Variants in LGALS2 observed in about 807,000 individuals in gnomAD.
LGALS2 encodes the protein galectin 2, also known as galectin-2.
LGALS2 carries 7 observed loss-of-function variants against 10.1 expected under a neutral mutation model. That is an observed-to-expected ratio of 0.70 (90% CI 0.40 to 1.31). The LOEUF (loss-of-function observed/expected upper bound fraction) is 1.31. LGALS2 is among the 50% of genes most tolerant of loss of function. The probability of loss-of-function intolerance (pLI) is 0.01; values close to 1 mark genes in which losing one functional copy is unlikely to be tolerated. For missense variants in LGALS2, 167 were observed against 163.6 expected (o/e 1.02, Z -0.11); for synonymous variants, 86 against 64.2 (o/e 1.34, Z -1.63).
intron 1 of LGALS2, among the ~76,000 whole-genome samples, chr22:37,573,369 C>G (rs2145820208): frequency 6.6e-6 from 1 of 152,340 alleles, no homozygotes; most frequent in Admixed American, 6.5e-5. Context: ...CTTTCCCCTT[C>G]TGTAAAATTG....
chr22:37,575,875 C>T (rs367737597), intron 1 of LGALS2, among the ~76,000 whole-genome samples: 2 of 152,196 alleles, frequency 1.3e-5, no homozygotes, highest in Non-Finnish European at 2.9e-5. Context: ...CAGCCTTGGC[C>T]GTCTGGACGT....
At chr22:37,573,516 G>A (rs777569870) in intron 1 of LGALS2, among the ~76,000 whole-genome samples, 7 of 152,146 alleles carry the variant, frequency 4.6e-5, no homozygotes, top group Non-Finnish European at 1.0e-4. Flanking sequence ...GGGCAACATA[G>A]CGAGACTCCC....
chr22:37,574,663 T>A (rs1925614368), intron 1 of LGALS2, among the ~76,000 whole-genome samples: 1 of 152,080 alleles, frequency 6.6e-6, no homozygotes, highest in Non-Finnish European at 1.5e-5. Flanking sequence ...GACTTTTTAT[T>A]TCCAGAAAAA....
At chr22:37,574,889 T>C (rs1442827217) in intron 1 of LGALS2, among the ~76,000 whole-genome samples, 2 of 151,502 alleles carry the variant, frequency 1.3e-5, no homozygotes, top group African/African-American at 4.9e-5. Flanking sequence ...TTTTTTTTTT[T>C]TTTGAGATGT....
At chr22:37,579,264 A>AAAAAGT (rs1925778903) in intron 1 of LGALS2, among the ~76,000 whole-genome samples, 1 of 60,062 alleles carries the variant, frequency 1.7e-5, no homozygotes, top group Non-Finnish European at 4.1e-5. Flanking sequence ...AAAAAAAAAA[A>AAAAAGT]GAGAAAGAAA....
At position 37,570,678 on chromosome 22, in the gene LGALS2, G is replaced by A. The variant is rs755278442; in HGVS notation, c.147C>T (p.Arg49=). 1 of 1,614,272 alleles carries A rather than the reference G, an allele frequency of 6.2e-7. No homozygotes were observed. The highest frequency in any genetic ancestry group is 8.5e-7 in the Non-Finnish European group (1 of 1,180,058). ...TGCAGACAATGGTGGATTCGCTGAA[G>A]CGAGGGTTGAAATGCAGGTTCAGCT... ...TDKLNLHFNP[R]FSESTIVCNS... is the part of the protein sequence containing the mutation. Residue 49 remains arginine (R), a synonymous_variant, in exon 3 of 4, where the codon CGC becomes CGT. Coordinates refer to ENST00000215886, the MANE Select transcript of LGALS2 (RefSeq NM_006498.3).
Position 37,570,586 on chromosome 22 carries a change from G to C in LGALS2, c.239C>G (p.Ser80Ter), listed in dbSNP as rs1224780259. 1 of 1,614,192 alleles carries C rather than the reference G, an allele frequency of 6.2e-7. No individual in the cohort carries two copies. Among genetic ancestry groups the C allele is most frequent in the Non-Finnish European group, 8.5e-7 (1 of 1,180,040 alleles). ...CCCCTTTGACCTCACCTTGACCTCTGACCCTGGGCTGAAGCACAGGTGATC... is the reference window on the plus strand; with the variant it reads ...CCCCTTTGACCTCACCTTGACCTCTCACCCTGGGCTGAAGCACAGGTGATC... ...REDHLCFSPGSEVKFTVTFES... is the reference protein window; with the variant it reads ...REDHLCFSPG Residue 80 changes from serine to a stop codon, truncating the protein, a stop_gained, in exon 3 of 4, where the codon TCA becomes TGA. Transcript: ENST00000215886. LOFTEE classifies it low-confidence loss of function (END_TRUNC).
Position 37,573,053 on chromosome 22 carries a change from C to T in LGALS2, c.7-1122G>A, listed in dbSNP as rs1329434329. Among the ~76,000 whole-genome samples, 7 of 151,872 alleles carry T rather than the reference C, an allele frequency of 4.6e-5. No homozygotes were observed. The East Asian group carries it at 1.2e-3, about 25-fold the overall frequency. On this transcript the variant is annotated intron_variant, in intron 1 of 3. Coordinates refer to ENST00000215886, the MANE Select transcript of LGALS2 (RefSeq NM_006498.3). Reference sequence around the variant, plus strand: ...CTTTGGAAGGCCGAGGCAGCCAGATCACCTGAGGTCAGGAGTTTAAGACCA... The same window carrying T: ...CTTTGGAAGGCCGAGGCAGCCAGATTACCTGAGGTCAGGAGTTTAAGACCA...
chr22:37,570,266 T>A lies in LGALS2; in HGVS notation c.396A>T (p.Glu132Asp). The A allele has an allele frequency of 1.9e-6, 3 of 1,603,046 alleles. No individual in the cohort carries two copies. Among genetic ancestry groups the A allele is most frequent in the Non-Finnish European group, 2.6e-6 (3 of 1,171,366 alleles). ...GFNMSSFKLK[E>D] is the part of the protein sequence containing the mutation. ...GAGAATCTCGGCTGGAAGTCTTTTATTCTTTTAACTTGAAAGAGGACATGT... is the reference window on the plus strand; with the variant it reads ...GAGAATCTCGGCTGGAAGTCTTTTAATCTTTTAACTTGAAAGAGGACATGT... Residue 132 changes from glutamate to aspartate, a missense_variant, in exon 4 of 4, where the codon GAA (glutamate) becomes GAT (aspartate). Transcript: ENST00000215886.
chr22:37,570,741 G>C lies in LGALS2; in HGVS notation c.90-6C>G. On this transcript the variant is annotated splice_region_variant and splice_polypyrimidine_tract_variant and intron_variant, in intron 2 of 3. Transcript: ENST00000215886. ...GGCCCAGATTAATTACAAAGCTGCA[G>C]GAGAAGGGGTAGCAGGTGAGGTTCA... 1 of 1,614,186 alleles carries C rather than the reference G, an allele frequency of 6.2e-7. No individual in the cohort carries two copies. Among genetic ancestry groups the C allele is most frequent in the Non-Finnish European group, 8.5e-7 (1 of 1,180,030 alleles).
intron 1 of LGALS2, among the ~76,000 whole-genome samples, chr22:37,572,163 G>A (rs367684083): frequency 3.3e-5 from 5 of 152,316 alleles, no homozygotes; most frequent in East Asian, 1.9e-4. Flanking sequence ...ACCCCAACCC[G>A]AAGAGGCACA....
At chr22:37,574,081 C>T (rs1475110817) in intron 1 of LGALS2, among the ~76,000 whole-genome samples, 2 of 152,006 alleles carry the variant, frequency 1.3e-5, no homozygotes, top group South Asian at 2.1e-4. Context: ...CCCAAATGAC[C>T]ATCATTTTGA....
At position 37,579,933 on chromosome 22, in the gene LGALS2, G is replaced by A. The variant is rs1328939363; in HGVS notation, c.-28C>T. On this transcript the variant is annotated 5_prime_UTR_variant, in exon 1 of 4. Transcript: ENST00000215886. ...TGACAGCTCCTGGCGGCAGCTCCCA[G>A]CGGCTCCTGGAGGCCTGTGCTCAGG... 3.1e-6 allele frequency: 5 copies of A among 1,611,500 alleles called. No individual in the cohort carries two copies. The highest frequency in any genetic ancestry group is 3.3e-5 in the Admixed American group (2 of 59,850).
chr22:37,574,238 G>A (rs1436740451), intron 1 of LGALS2, among the ~76,000 whole-genome samples: 1 of 152,106 alleles, frequency 6.6e-6, no homozygotes, highest in Non-Finnish European at 1.5e-5. Flanking sequence ...ACCCAGGGCT[G>A]GGAGCGGTGG....
chr22:37,571,969 A>G (rs770391760), intron 1 of LGALS2, 38 bp from the exon 2 acceptor site: 4 of 1,550,548 alleles, frequency 2.6e-6, no homozygotes, highest in Non-Finnish European at 3.6e-6. Context: ...GAGTCCCCAC[A>G]GAAAATCAAT....
chr22:37,570,306 AC>A lies in LGALS2; in HGVS notation c.355del (p.Val119Ter), dbSNP rs796448968. 3 of 1,613,518 alleles carry A rather than the reference AC, an allele frequency of 1.9e-6. No individual in the cohort carries two copies. Among genetic ancestry groups the A allele is most frequent in the South Asian group, 2.2e-5 (2 of 91,074 alleles). On this transcript the variant is annotated frameshift_variant, in exon 4 of 4. Transcript: ENST00000215886. LOFTEE classifies it low-confidence loss of function (END_TRUNC). Reference sequence around the variant, plus strand: ...AGAGGACATGTTGAACCCGCCCCTTACGCTCAGGTAGCTCAGGTGGCTGTGA... The same window carrying A: ...AGAGGACATGTTGAACCCGCCCCTTAGCTCAGGTAGCTCAGGTGGCTGTGA... ...LGHSHLSYLS[V>X]RGGFNMSSFK... is the part of the protein sequence containing the mutation.
chr22:37,571,782 C>G, intron 2 of LGALS2, 67 bp downstream of exon 2: 1 of 1,334,200 alleles, frequency 7.5e-7, no homozygotes, highest in South Asian at 1.2e-5. Context: ...CAGGGCTGCC[C>G]TGCCTGCCCC....
chr22:37,576,320 C>T (rs5750453), intron 1 of LGALS2, among the ~76,000 whole-genome samples: 77,689 of 150,914 alleles, frequency 0.51, 21,079 homozygotes, highest in Non-Finnish European at 0.6. Context: ...GGCGTGGTGG[C>T]AGGCGCCTGT....
intron 1 of LGALS2, among the ~76,000 whole-genome samples, chr22:37,577,087 G>A (rs1451187321): frequency 6.6e-6 from 1 of 152,158 alleles, no homozygotes; most frequent in East Asian, 1.9e-4. Context: ...CTGGGCCTTG[G>A]TTCCCTTATC....
Sources: gnomAD v4.1 joint callset for allele counts (sites outside exome capture counted in the v4.1 genomes callset) on GRCh38, gnomAD v4.1.1 for gene constraint, MANE v1.5 for transcripts, NCBI Gene and HGNC (gene_info 2026-07-23, HGNC 2026-07-21) for gene names.